CAGE1: variants seen among roughly 807,000 people sequenced by gnomAD.
CAGE1 encodes the protein cancer-associated gene 1 protein.
In CAGE1, 66 loss-of-function variants were observed where a neutral mutation model predicts 94.9. The ratio of observed to expected loss-of-function variants is 0.70; its 90% CI spans 0.57 to 0.85. The LOEUF is 0.85. Ranked by LOEUF, CAGE1 falls within the 40% of genes least tolerant of loss-of-function variation. CAGE1 has a pLI of 0.00. For missense variants in CAGE1, 865 were observed against 950.4 expected (o/e 0.91, Z 1.18); for synonymous variants, 319 against 321.0 (o/e 0.99, Z 0.07).
At chr6:7,340,966 A>T in intron 11 of CAGE1, 1 of 438,262 alleles carries the variant, frequency 2.3e-6, no homozygotes, top group Non-Finnish European at 4.5e-6. Flanking sequence ...TTGCCACAGG[A>T]TAACAACAGC....
chr6:7,341,904 C>A (rs1217703005), intron 11 of CAGE1: 1 of 696,822 alleles, frequency 1.4e-6, no homozygotes, highest in African/African-American at 1.8e-5. Flanking sequence ...CAGGGTACTG[C>A]AGCAAGATGT....
chr6:7,352,061 G>A (rs997165314), intron 11 of CAGE1, among the ~76,000 whole-genome samples: 2 of 151,900 alleles, frequency 1.3e-5, no homozygotes, highest in African/African-American at 4.8e-5. Context: ...ATAAATAAGG[G>A]GCACCCAAAT....
In CAGE1 at chr6:7,347,166, G is replaced by C. The variant is rs140208918; in HGVS notation, c.2369+7875C>G. 2.2e-3 allele frequency among the ~76,000 whole-genome samples: 341 copies of C among 152,200 alleles called. 1 individual carries two copies. The highest frequency in any genetic ancestry group is 0.014 in the Middle Eastern group (4 of 294). On this transcript the variant is annotated intron_variant, in intron 11 of 13. Transcript: ENST00000502583. Reference sequence around the variant, plus strand: ...GCTCGCGTCATGAATTTTAGCTCCAGAATGACTGCAAGAACAAATCAGGAA... The same window carrying C: ...GCTCGCGTCATGAATTTTAGCTCCACAATGACTGCAAGAACAAATCAGGAA...
rs776650202 is a variant in CAGE1, at chr6:7,378,951, A to G, written c.353T>C (p.Leu118Ser). 81 of 1,584,246 alleles carry G rather than the reference A, an allele frequency of 5.1e-5. 1 individual carries two copies. In the South Asian group the frequency reaches 8.4e-4, roughly 17 times the overall value. ...QPVDTISISS[L>S]RQFETVCKFH... ...TTTGCAAACGGTTTCAAATTGTCTC[A>G]AGGAAGATATGCTGATGGTGTCAAC... Residue 118 changes from leucine (L) to serine (S), a missense_variant, in exon 4 of 14, where the codon TTG becomes TCG. Transcript: ENST00000502583.
At chr6:7,364,857 T>C (rs1760271899) in intron 9 of CAGE1, among the ~76,000 whole-genome samples, 1 of 152,232 alleles carries the variant, frequency 6.6e-6, no homozygotes, top group African/African-American at 2.4e-5. Context: ...AAGTGAATTG[T>C]ATGTAATGAA....
Position 7,365,389 on chromosome 6 carries a change from G to C in CAGE1, c.2193+79C>G. 12 of 1,171,542 alleles carry C rather than the reference G, an allele frequency of 1.0e-5. No homozygotes were observed. In the South Asian group the frequency reaches 1.5e-4, roughly 15 times the overall value. 72.6% of individuals were successfully genotyped at this position (1,171,542 alleles called of 1,614,324 possible). ...CTTTTTATAAGCCAGTTTTTTGAAGGATGATAACTTCTTAAACTTGCTAGT... is the reference window on the plus strand; with the variant it reads ...CTTTTTATAAGCCAGTTTTTTGAAGCATGATAACTTCTTAAACTTGCTAGT... On this transcript the variant is annotated intron_variant, in intron 9 of 13. Coordinates refer to ENST00000502583, the MANE Select transcript of CAGE1 (RefSeq NM_001170692.2).
chr6:7,356,682 C>G (rs1166277355), intron 9 of CAGE1, among the ~76,000 whole-genome samples: 3 of 152,148 alleles, frequency 2.0e-5, no homozygotes, highest in Non-Finnish European at 4.4e-5. Context: ...AATTAATTAT[C>G]AGGAAATGGT....
intron 2 of CAGE1, among the ~76,000 whole-genome samples, chr6:7,386,707 C>G: frequency 6.6e-6 from 1 of 152,188 alleles, no homozygotes; most frequent in East Asian, 1.9e-4. Context: ...CTGTCTCAGC[C>G]TCCAGAGTAG....
At chr6:7,343,198 A>AAAAAAAAGG (rs574460085) in intron 11 of CAGE1, among the ~76,000 whole-genome samples, 1 of 137,320 alleles carries the variant, frequency 7.3e-6, no homozygotes, top group Non-Finnish European at 1.5e-5. Flanking sequence ...CACAAAAAAA[A>AAAAAAAAGG]AAAAGAAAAG....
chr6:7,354,067 T>A (rs1464691166), intron 11 of CAGE1, among the ~76,000 whole-genome samples: 1 of 151,454 alleles, frequency 6.6e-6, no homozygotes, highest in African/African-American at 2.4e-5. Context: ...AAATATCACC[T>A]GTACCCCAAT....
At position 7,356,081 on chromosome 6, in the gene CAGE1, T is replaced by C; in HGVS notation, c.2242A>G (p.Arg748Gly). The C allele has an allele frequency of 2.6e-6, 4 of 1,551,000 alleles. No individual in the cohort carries two copies. Among genetic ancestry groups the C allele is most frequent in the Non-Finnish European group, 3.5e-6 (4 of 1,146,140 alleles). The change falls in exon 10 of 14, where the codon AGA becomes GGA. Residue 748 changes from arginine (R) to glycine (G), a missense_variant. Arg to Gly is a moderately radical substitution (Grantham distance 125). Transcript: ENST00000502583. The part of the protein sequence containing the change: ...LLESKENHCN[R>G]LIEENDKYQR... ...TACTTGTCATTTTCTTCAATGAGTC[T>C]GTTGCAGTGGTTTTCTTTTGACTCT...
At chr6:7,375,539 C>A (rs1192493693) in intron 4 of CAGE1, among the ~76,000 whole-genome samples, 1 of 152,090 alleles carries the variant, frequency 6.6e-6, no homozygotes, top group Non-Finnish European at 1.5e-5. Flanking sequence ...GAGTTGGAGA[C>A]CAGTTTGGGT....
intron 11 of CAGE1, among the ~76,000 whole-genome samples, chr6:7,345,400 T>A (rs985888909): frequency 8.5e-5 from 13 of 152,196 alleles, no homozygotes; most frequent in African/African-American, 3.1e-4. Context: ...ATGTGCCATC[T>A]TAAGAGCTGT....
In CAGE1 at chr6:7,375,854, G is replaced by A. The variant is rs187328998; in HGVS notation, c.688-1723C>T. The stretch of plus-strand genomic sequence containing the variant: ...CTTCTGCAGAACCTTGTATCTTAAT[G>A]GTTTTTCATTGTTCTGGGATAAAGA... On this transcript the variant is annotated intron_variant, in intron 4 of 13. Transcript: ENST00000502583. Among the ~76,000 whole-genome samples, 274 of 152,270 alleles carry A rather than the reference G, an allele frequency of 1.8e-3. 3 individuals are homozygous for A. The highest frequency in any genetic ancestry group is 6.4e-3 in the African/African-American group (265 of 41,554).
In CAGE1 at chr6:7,370,026, A is replaced by C. The variant is rs1760487719; in HGVS notation, c.1786T>G (p.Ser596Ala). ...TTHSNLLPDC[S>A]PCEERLNPAD... ...GGATTCAGCCTCTCTTCACAAGGTG[A>C]GCAATCCGGGAGCAGATTAGAATGT... Residue 596 changes from serine to alanine, a missense_variant, in exon 6 of 14, where the codon TCA (serine) becomes GCA (alanine). By Grantham distance (99) the Ser-to-Ala change is moderately conservative. Transcript: ENST00000502583. The C allele has an allele frequency of 6.2e-7, 1 of 1,613,414 alleles. No homozygotes were observed. The highest frequency in any genetic ancestry group is 1.3e-5 in the African/African-American group (1 of 75,022).
At chr6:7,384,807 C>T (rs997848611) in intron 3 of CAGE1, among the ~76,000 whole-genome samples, 10 of 151,798 alleles carry the variant, frequency 6.6e-5, no homozygotes, top group East Asian at 3.9e-4. Context: ...CTCAGCCTCC[C>T]GCGCTCAGGT....
intron 11 of CAGE1, among the ~76,000 whole-genome samples, chr6:7,344,490 G>A (rs772874201): frequency 2.6e-5 from 4 of 152,246 alleles, no homozygotes; most frequent in Non-Finnish European, 5.9e-5. Flanking sequence ...CGCCATGCCT[G>A]AGCCTCGCAA....
At chr6:7,331,663 G>T in intron 12 of CAGE1, 1 of 211,770 alleles carries the variant, frequency 4.7e-6, no homozygotes, top group East Asian at 1.1e-4. Context: ...GGCGAGCTTG[G>T]CATAGGCAAA....
chr6:7,333,539 G>T (rs924419210), intron 12 of CAGE1, among the ~76,000 whole-genome samples: 31 of 150,956 alleles, frequency 2.1e-4, no homozygotes, highest in South Asian at 1.3e-3. Context: ...TTTATGCTAG[G>T]CAAAACATGA....
Sources: gnomAD v4.1 joint callset for allele counts (sites outside exome capture counted in the v4.1 genomes callset) on GRCh38, gnomAD v4.1.1 for gene constraint, MANE v1.5 for transcripts, NCBI Gene and HGNC (gene_info 2026-07-23, HGNC 2026-07-21) for gene names.